Variants in LMOD1 observed in about 807,000 individuals in gnomAD.
LMOD1 encodes the protein leiomodin-1.
LMOD1 carries 8 observed loss-of-function variants against 36.5 expected under a neutral mutation model. The observed-to-expected ratio is 0.22, with a 90% CI of 0.13 to 0.40. The LOEUF (loss-of-function observed/expected upper bound fraction) is 0.40. Ranked by LOEUF, LMOD1 falls within the 10% of genes least tolerant of loss-of-function variation. LMOD1 has a pLI of 1.00. For missense variants in LMOD1, 630 were observed against 751.1 expected (o/e 0.84, Z 1.88); for synonymous variants, 284 against 288.7 (o/e 0.98, Z 0.17).
intron 1 of LMOD1, among the ~76,000 whole-genome samples, chr1:201,914,534 C>T (rs1681567852): frequency 6.6e-6 from 1 of 152,112 alleles, no homozygotes; most frequent in Admixed American, 6.5e-5. Context: ...CTAGCTCTCT[C>T]CTGGTTCTTC....
At chr1:201,945,955 T>G in intron 1 of LMOD1, 125 bp downstream of exon 1, 1 of 961,608 alleles carries the variant, frequency 1.0e-6, no homozygotes, top group Non-Finnish European at 1.6e-6. Flanking sequence ...TCATCAGTTC[T>G]GAAGCATTAA....
intron 1 of LMOD1, among the ~76,000 whole-genome samples, chr1:201,930,747 G>C (rs1448324900): frequency 3.9e-5 from 6 of 152,174 alleles, no homozygotes; most frequent in African/African-American, 1.4e-4. Flanking sequence ...AGGAAGGGCA[G>C]AGCCCTAAAC....
intron 1 of LMOD1, among the ~76,000 whole-genome samples, chr1:201,911,257 T>G (rs906974978): frequency 6.6e-6 from 1 of 152,184 alleles, no homozygotes; most frequent in African/African-American, 2.4e-5. Flanking sequence ...CAGCATTCCC[T>G]TGGATTTCAT....
intron 1 of LMOD1, among the ~76,000 whole-genome samples, chr1:201,939,152 T>A (rs78471764): frequency 4.0e-5 from 6 of 149,354 alleles, no homozygotes; most frequent in Non-Finnish European, 6.0e-5. Context: ...TTTTTTTTTT[T>A]AATTTCGTGA....
At chr1:201,908,981 C>T (rs1310840223) in intron 1 of LMOD1, among the ~76,000 whole-genome samples, 2 of 152,214 alleles carry the variant, frequency 1.3e-5, no homozygotes, top group African/African-American at 2.4e-5. Context: ...GCTCTCATTC[C>T]GCAGAAGAAT....
At chr1:201,903,571 C>A (rs570429604) in intron 1 of LMOD1, among the ~76,000 whole-genome samples, 1 of 152,344 alleles carries the variant, frequency 6.6e-6, no homozygotes, top group South Asian at 2.1e-4. Flanking sequence ...AACAAGGAAA[C>A]CCAATGGATC....
At chr1:201,914,722 C>T (rs1681571255) in intron 1 of LMOD1, among the ~76,000 whole-genome samples, 1 of 151,806 alleles carries the variant, frequency 6.6e-6, no homozygotes, top group Non-Finnish European at 1.5e-5. Context: ...CATCTTTCAC[C>T]TTCCCTCTCC....
Sources: gnomAD v4.1 joint callset for allele counts (sites outside exome capture counted in the v4.1 genomes callset) on GRCh38, gnomAD v4.1.1 for gene constraint, MANE v1.5 for transcripts, NCBI Gene and HGNC (gene_info 2026-07-23, HGNC 2026-07-21) for gene names.